Variants in SNX14 observed in about 807,000 individuals in gnomAD.
The protein encoded by SNX14 is sorting nexin 14.
Under a neutral mutation model 133.8 loss-of-function variants are expected in SNX14, and 93 were observed. That is an observed-to-expected ratio of 0.70 (90% confidence interval 0.59 to 0.83). The LOEUF (loss-of-function observed/expected upper bound fraction) is 0.83. Ranked by LOEUF, SNX14 falls within the 40% of genes least tolerant of loss-of-function variation. SNX14 has a pLI of 0.00. For synonymous variants in SNX14, 368 were observed against 365.6 expected (o/e 1.01, Z -0.07); for missense variants, 945 against 1,094.9 (o/e 0.86, Z 1.93).
At chr6:85,590,154 T>C (rs1385672011) in intron 1 of SNX14, among the ~76,000 whole-genome samples, 1 of 152,226 alleles carries the variant, frequency 6.6e-6, no homozygotes, top group Non-Finnish European at 1.5e-5. Context: ...TGATTCTTGT[T>C]GTCCAGGCCT....
At chr6:85,574,052 AT>A (rs1247373930) in intron 2 of SNX14, among the ~76,000 whole-genome samples, 1 of 114,530 alleles carries the variant, frequency 8.7e-6, no homozygotes, top group Admixed American at 1.0e-4. Context: ...AATTGGATGG[AT>A]TTTTTTATAA....
intron 21 of SNX14, among the ~76,000 whole-genome samples, chr6:85,525,394 TTC>T (rs1489472391): frequency 2.6e-5 from 4 of 152,182 alleles, no homozygotes; most frequent in Non-Finnish European, 4.4e-5. Context: ...TAAATTATTT[TTC>T]TGTTACTAAT....
intron 9 of SNX14, 48 bp downstream of exon 9, chr6:85,548,253 A>G: frequency 7.6e-7 from 1 of 1,319,890 alleles, no homozygotes; most frequent in East Asian, 2.3e-5. Flanking sequence ...ACTAAATGTT[A>G]TATTAAGTGT....
intron 6 of SNX14, among the ~76,000 whole-genome samples, chr6:85,561,814 GTTTCT>G (rs1791715689): frequency 6.7e-6 from 1 of 148,554 alleles, no homozygotes; most frequent in African/African-American, 2.5e-5. Context: ...TCATTTGCCT[GTTTCT>G]TTTTTGTTTT....
chr6:85,572,333 A>G lies in SNX14; in HGVS notation c.303T>C (p.Cys101=). The change falls in exon 3 of 29, where the codon TGT becomes TGC. Residue 101 remains cysteine, a synonymous_variant. Coordinates refer to ENST00000314673, the MANE Select transcript of SNX14 (RefSeq NM_153816.6). The part of the protein sequence containing the change: ...LQELFPQGHS[C]AVCGKVKCKR... ...TACATTTCACTTTACCACAAACAGCACAGCTATGACCTTGAGGAAATAATT... is the reference window on the plus strand; with the variant it reads ...TACATTTCACTTTACCACAAACAGCGCAGCTATGACCTTGAGGAAATAATT... 6.2e-7 allele frequency: 1 copy of G among 1,613,868 alleles called. No homozygotes were observed. Among genetic ancestry groups the G allele is most frequent in the Non-Finnish European group, 8.5e-7 (1 of 1,179,900 alleles).
intron 7 of SNX14, among the ~76,000 whole-genome samples, chr6:85,556,077 A>G (rs1789659678): frequency 6.6e-6 from 1 of 152,220 alleles, no homozygotes; most frequent in Non-Finnish European, 1.5e-5. Context: ...ATTATAACAA[A>G]TGTATCAAGT....
At chr6:85,529,153 G>A (rs1317306158) in intron 19 of SNX14, among the ~76,000 whole-genome samples, 2 of 151,534 alleles carry the variant, frequency 1.3e-5, no homozygotes, top group African/African-American at 2.4e-5. Flanking sequence ...CCAGCTACTC[G>A]GGAGTCTGAG....
chr6:85,578,279 A>C (rs1797938799), intron 1 of SNX14, among the ~76,000 whole-genome samples: 1 of 152,212 alleles, frequency 6.6e-6, no homozygotes, highest in Non-Finnish European at 1.5e-5. Flanking sequence ...ATATGCAGTT[A>C]CATTTGTAGA....
chr6:85,542,641 G>A (rs1482567053), intron 14 of SNX14, among the ~76,000 whole-genome samples: 3 of 152,236 alleles, frequency 2.0e-5, no homozygotes, highest in African/African-American at 4.8e-5. Context: ...TGATCCGCCC[G>A]CCTCGGCCTC....
intron 1 of SNX14, among the ~76,000 whole-genome samples, chr6:85,580,109 G>A (rs1056260676): frequency 7.2e-5 from 11 of 152,122 alleles, no homozygotes; most frequent in Non-Finnish European, 1.0e-4. Context: ...GAGGAGAGGG[G>A]AAAGTAAAGA....
At chr6:85,507,377 G>T in intron 27 of SNX14, 88 bp from the exon 28 acceptor site, 3 of 1,119,936 alleles carry the variant, frequency 2.7e-6, no homozygotes, top group Non-Finnish European at 3.9e-6. Flanking sequence ...AAAGATTGTG[G>T]TTACCTCTAA....
At chr6:85,545,179 C>G (rs1399093168) in intron 12 of SNX14, among the ~76,000 whole-genome samples, 1 of 151,548 alleles carries the variant, frequency 6.6e-6, no homozygotes, top group Non-Finnish European at 1.5e-5. Context: ...AGAACACACT[C>G]AAAAAAATAG....
Position 85,517,869 on chromosome 6 carries a change from G to T in SNX14, c.2155C>A (p.Gln719Lys). The T allele has an allele frequency of 6.2e-7, 1 of 1,605,138 alleles. No homozygotes were observed. Among genetic ancestry groups the T allele is most frequent in the Non-Finnish European group, 8.5e-7 (1 of 1,177,694 alleles). The change falls in exon 23 of 29, where the codon CAG becomes AAG. Residue 719 changes from glutamine (Q) to lysine (K), a missense_variant. Around this residue, in one of 3 missense-constraint regions of SNX14, gnomAD observed 412 missense variants for 516.6 expected, o/e 0.80. Coordinates refer to ENST00000314673, the MANE Select transcript of SNX14 (RefSeq NM_153816.6). The stretch of plus-strand genomic sequence containing the variant: ...TTCATGATAAAAGGTTCCAAATGCT[G>T]ACCTTTCTGTGGTGATAGATTATTG... ...VPGKLMKEKG[Q>K]HLEPFIMNFI... is the part of the protein sequence containing the mutation.
At chr6:85,520,724 A>G (rs556310235) in intron 21 of SNX14, among the ~76,000 whole-genome samples, 1 of 152,306 alleles carries the variant, frequency 6.6e-6, no homozygotes, top group South Asian at 2.1e-4. Context: ...ATGTTTATGT[A>G]AAAAGAATCA....
rs1322721399 is a variant in SNX14, at chr6:85,543,605, T to G, written c.1264A>C (p.Ile422Leu). The change falls in exon 13 of 29, where the codon ATT becomes CTT. Residue 422 changes from isoleucine (I) to leucine (L), a missense_variant and splice_region_variant. Coordinates refer to ENST00000314673, the MANE Select transcript of SNX14 (RefSeq NM_153816.6). Reference sequence around the variant, plus strand: ...GTCATTCTTATCGTCTTTGACTTACTTCTTTGAATCTCTTCTACAATGAAG... The same window carrying G: ...GTCATTCTTATCGTCTTTGACTTACGTCTTTGAATCTCTTCTACAATGAAG... ...DPFIVEEIQRIAEGPYIDVVK... is the reference protein window; with the variant it reads ...DPFIVEEIQRLAEGPYIDVVK... The G allele has an allele frequency of 1.9e-6, 3 of 1,569,664 alleles. No individual in the cohort carries two copies. Among genetic ancestry groups the G allele is most frequent in the Non-Finnish European group, 1.7e-6 (2 of 1,155,408 alleles).
intron 18 of SNX14, among the ~76,000 whole-genome samples, chr6:85,531,444 C>T (rs777357209): frequency 2.0e-5 from 3 of 152,148 alleles, no homozygotes; most frequent in African/African-American, 7.2e-5. Flanking sequence ...TGCAGTAGAT[C>T]GAGTGAACCA....
At chr6:85,508,209 C>T in intron 26 of SNX14, 150 bp from the exon 27 acceptor site, 3 of 1,331,516 alleles carry the variant, frequency 2.3e-6, no homozygotes, top group Non-Finnish European at 2.9e-6. Context: ...CTATAAGAGG[C>T]TCCTGGATAA....
chr6:85,513,266 G>T (rs1484377723), intron 26 of SNX14, among the ~76,000 whole-genome samples: 1 of 152,194 alleles, frequency 6.6e-6, no homozygotes, highest in Non-Finnish European at 1.5e-5. Flanking sequence ...ACTTTACAGA[G>T]GAGGTGACCA....
chr6:85,564,987 T>TAA (rs766090823), intron 6 of SNX14, among the ~76,000 whole-genome samples: 22 of 133,734 alleles, frequency 1.6e-4, no homozygotes, highest in African/African-American at 4.9e-4. Flanking sequence ...AAACTCTGTC[T>TAA]AAAAAAAAAA....
Sources: allele counts gnomAD v4.1 joint callset (sites outside exome capture counted in the v4.1 genomes callset), GRCh38; gene constraint gnomAD v4.1.1; regional missense constraint gnomAD v4.1.1; transcripts MANE v1.5; gene names NCBI Gene and HGNC (gene_info 2026-07-23, HGNC 2026-07-21).